CDH13: variants seen among roughly 807,000 people sequenced by gnomAD.
CDH13 encodes the protein cadherin 13, also known as cadherin-13.
In CDH13, 24 loss-of-function variants were observed where a neutral mutation model predicts 63.8. The observed-to-expected ratio is 0.38, with a 90% CI of 0.27 to 0.53. The LOEUF (loss-of-function observed/expected upper bound fraction) is 0.53, where lower values mean the gene tolerates loss of function less well. Among genes scored for constraint, CDH13 ranks in the 20% least tolerant of loss-of-function variants. CDH13 has a pLI of 0.85. For missense variants in CDH13, 1,049 were observed against 903.1 expected, an observed-to-expected ratio of 1.16 and a Z score of -2.07; for synonymous variants, 503 against 355.3, an observed-to-expected ratio of 1.42 and a Z score of -4.67.
chr16:82,842,524 C>T (rs895080035), intron 1 of CDH13, among the ~76,000 whole-genome samples: 4 of 152,012 alleles, frequency 2.6e-5, no homozygotes, highest in African/African-American at 9.7e-5. Flanking sequence ...TGACCTTACT[C>T]ACCCCTCCAT....
intron 7 of CDH13, among the ~76,000 whole-genome samples, chr16:83,552,879 G>A (rs2150673476): frequency 6.6e-6 from 1 of 152,280 alleles, no homozygotes; most frequent in South Asian, 2.1e-4. Context: ...AGGAGTTCGA[G>A]ACCAGCCTGA....
intron 2 of CDH13, among the ~76,000 whole-genome samples, chr16:82,968,363 C>G (rs920209320): frequency 4.6e-5 from 7 of 152,148 alleles, no homozygotes; most frequent in African/African-American, 1.7e-4. Context: ...AGGCCTCAGA[C>G]CTAGTGGTCC....
chr16:83,123,991 G>A (rs8052021), intron 3 of CDH13, among the ~76,000 whole-genome samples: 3,760 of 152,164 alleles, frequency 0.025, 165 homozygotes, highest in African/African-American at 0.084. Flanking sequence ...CTGTTGGCCC[G>A]TCGTACGTGT....
chr16:83,386,993 A>G (rs974542244), intron 6 of CDH13, among the ~76,000 whole-genome samples: 2 of 152,090 alleles, frequency 1.3e-5, no homozygotes, highest in African/African-American at 4.8e-5. Flanking sequence ...TTTCGCCTAC[A>G]TTTTCTTAGC....
chr16:83,560,987 A>G (rs987444463), intron 7 of CDH13, among the ~76,000 whole-genome samples: 2 of 152,154 alleles, frequency 1.3e-5, no homozygotes, highest in Non-Finnish European at 2.9e-5. Flanking sequence ...AGTAAGAAGT[A>G]TGATCACCTG....
chr16:83,676,196 C>T (rs1914939575), intron 9 of CDH13, among the ~76,000 whole-genome samples: 1 of 152,226 alleles, frequency 6.6e-6, no homozygotes, highest in Admixed American at 6.5e-5. Context: ...GACTGTCTCA[C>T]TTGTCAGCAG....
At chr16:83,147,087 TA>T (rs1205087543) in intron 4 of CDH13, among the ~76,000 whole-genome samples, 1 of 150,804 alleles carries the variant, frequency 6.6e-6, no homozygotes, top group Non-Finnish European at 1.5e-5. Context: ...GACTCCATCT[TA>T]AAAAAAAAGC....
At chr16:83,788,819 T>G (rs918986083) in intron 13 of CDH13, among the ~76,000 whole-genome samples, 3 of 152,218 alleles carry the variant, frequency 2.0e-5, no homozygotes, top group Admixed American at 6.5e-5. Context: ...CACCTGTGTG[T>G]AAAGTCGAAA....
intron 2 of CDH13, among the ~76,000 whole-genome samples, chr16:82,962,698 C>T (rs967089986): frequency 9.2e-5 from 14 of 152,292 alleles, no homozygotes; most frequent in African/African-American, 3.1e-4. Context: ...AGTGATGATT[C>T]TTCTGTCGAC....
intron 8 of CDH13, among the ~76,000 whole-genome samples, chr16:83,644,401 C>G (rs1046640479): frequency 1.3e-5 from 2 of 152,100 alleles, no homozygotes; most frequent in African/African-American, 4.8e-5. Flanking sequence ...CTGGTTTTCC[C>G]TTTTATAAAC....
intron 6 of CDH13, among the ~76,000 whole-genome samples, chr16:83,453,752 ATGTAT>A (rs2072945482): frequency 3.0e-3 from 1 of 336 alleles, no homozygotes; most frequent in African/African-American, 5.4e-3. Flanking sequence ...TTTATCCACC[ATGTAT>A]CTCCACCATG....
At chr16:82,887,868 A>G (rs2040945793) in intron 2 of CDH13, among the ~76,000 whole-genome samples, 1 of 151,658 alleles carries the variant, frequency 6.6e-6, no homozygotes, top group Non-Finnish European at 1.5e-5. Context: ...TTTTTTTTCC[A>G]GCAGGTGAAC....
chr16:83,711,948 G>A (rs1278488654), intron 10 of CDH13, among the ~76,000 whole-genome samples: 2 of 152,226 alleles, frequency 1.3e-5, no homozygotes, highest in Non-Finnish European at 2.9e-5. Flanking sequence ...AGAAGTCTGA[G>A]ATCAAGGTGT....
At chr16:83,729,564 T>G (rs1211179301) in intron 10 of CDH13, among the ~76,000 whole-genome samples, 2 of 152,234 alleles carry the variant, frequency 1.3e-5, no homozygotes, top group African/African-American at 2.4e-5. Flanking sequence ...GCGCTATGGT[T>G]GGACAACTCT....
chr16:83,103,934 A>G (rs1459556053), intron 3 of CDH13, among the ~76,000 whole-genome samples: 2 of 151,804 alleles, frequency 1.3e-5, no homozygotes, highest in Non-Finnish European at 2.9e-5. Context: ...ATAAAAAATT[A>G]CTCCTTTCCT....
At chr16:83,611,201 T>C (rs908869099) in intron 8 of CDH13, among the ~76,000 whole-genome samples, 1 of 152,172 alleles carries the variant, frequency 6.6e-6, no homozygotes, top group Non-Finnish European at 1.5e-5. Context: ...CTTTGAGTTA[T>C]ATACATGTTG....
chr16:83,229,037 T>C (rs1207326395), intron 5 of CDH13, among the ~76,000 whole-genome samples: 2 of 151,774 alleles, frequency 1.3e-5, no homozygotes, highest in African/African-American at 4.8e-5. Flanking sequence ...ATGAAAAGAG[T>C]AGCAGGAATG....
chr16:83,657,452 C>G (rs903863467), intron 8 of CDH13, among the ~76,000 whole-genome samples: 9 of 152,180 alleles, frequency 5.9e-5, no homozygotes, highest in Non-Finnish European at 1.3e-4. Context: ...TTCCTAGTTC[C>G]TCTTTGACCC....
chr16:83,505,202 TC>T (rs1192121762), intron 7 of CDH13, among the ~76,000 whole-genome samples: 1 of 152,162 alleles, frequency 6.6e-6, no homozygotes, highest in African/African-American at 2.4e-5. Context: ...TCCCCAGGCT[TC>T]CCCTCCCATT....
Sources: allele counts gnomAD v4.1 joint callset (sites outside exome capture counted in the v4.1 genomes callset), GRCh38; gene constraint gnomAD v4.1.1; transcripts MANE v1.5; gene names NCBI Gene and HGNC (gene_info 2026-07-23, HGNC 2026-07-21).